MPP7: variants seen among roughly 807,000 people sequenced by gnomAD.
MPP7 encodes the protein MAGUK p55 subfamily member 7.
In MPP7, 60 loss-of-function variants were observed where a neutral mutation model predicts 76.5. The ratio of observed to expected loss-of-function variants is 0.78; its 90% confidence interval spans 0.64 to 0.97. The LOEUF is 0.97. Ranked by LOEUF, MPP7 falls within the 50% of genes least tolerant of loss-of-function variation. The pLI is 0.00. For missense variants in MPP7, 641 were observed against 694.0 expected (o/e 0.92, Z 0.86); for synonymous variants, 237 against 244.5 (o/e 0.97, Z 0.29).
intron 11 of MPP7, among the ~76,000 whole-genome samples, chr10:28,104,514 G>A (rs1254465862): frequency 6.6e-6 from 1 of 152,088 alleles, no homozygotes; most frequent in Admixed American, 6.6e-5. Context: ...TTTGGCTTTT[G>A]GGGGAAAAAT....
At chr10:28,241,116 C>T (rs1224150016) in intron 1 of MPP7, among the ~76,000 whole-genome samples, 3 of 152,110 alleles carry the variant, frequency 2.0e-5, no homozygotes, top group African/African-American at 2.4e-5. Flanking sequence ...AAACCATACA[C>T]ACCATATAAT....
intron 1 of MPP7, among the ~76,000 whole-genome samples, chr10:28,275,570 C>T (rs1840468537): frequency 6.6e-6 from 1 of 152,050 alleles, no homozygotes; most frequent in Non-Finnish European, 1.5e-5. Context: ...CCACGCCTGG[C>T]TAATTTTTAT....
chr10:28,140,606 A>T (rs2133723244), intron 5 of MPP7, among the ~76,000 whole-genome samples: 1 of 152,372 alleles, frequency 6.6e-6, no homozygotes, highest in African/African-American at 2.4e-5. Flanking sequence ...GCAAGAAACT[A>T]GAGAAAAATA....
intron 1 of MPP7, among the ~76,000 whole-genome samples, chr10:28,331,755 A>G (rs1056520667): frequency 7.9e-5 from 12 of 152,034 alleles, no homozygotes; most frequent in African/African-American, 2.9e-4. Flanking sequence ...TTGTATTTTT[A>G]GTAAAGATGA....
At chr10:28,164,557 A>G (rs1013817849) in intron 3 of MPP7, among the ~76,000 whole-genome samples, 4 of 152,130 alleles carry the variant, frequency 2.6e-5, no homozygotes, top group Non-Finnish European at 5.9e-5. Flanking sequence ...ACTTATGAAT[A>G]ATGTGTACAC....
intron 11 of MPP7, among the ~76,000 whole-genome samples, chr10:28,117,368 CT>C (rs1315359850): frequency 6.6e-6 from 1 of 152,114 alleles, no homozygotes; most frequent in African/African-American, 2.4e-5. Flanking sequence ...TAGAATTATT[CT>C]TCCTTTATAA....
At position 28,052,626 on chromosome 10, in the gene MPP7, C is replaced by A. The variant is rs940733755; in HGVS notation, c.*1439G>T. On this transcript the variant is annotated 3_prime_UTR_variant, in exon 17 of 17. Transcript: ENST00000683449. The stretch of plus-strand genomic sequence containing the variant: ...ATAAAACTACTCTTTTAAATTAGGA[C>A]ATCTTGACATACAATCAGTTTATTT... The A allele has an allele frequency of 1.3e-5, 2 of 152,542 alleles. No individual in the cohort carries two copies. Among genetic ancestry groups the A allele is most frequent in the African/African-American group, 4.8e-5 (2 of 41,420 alleles). The allele number at this position is 152,542 out of a possible 1,614,324, so 9.4% of individuals were successfully genotyped here. A position where few individuals can be genotyped will look rare whatever the true frequency, so the allele number is the denominator to read the frequency against.
intron 11 of MPP7, chr10:28,118,085 A>G: frequency 5.2e-6 from 5 of 960,798 alleles, no homozygotes; most frequent in Non-Finnish European, 6.2e-6. Flanking sequence ...TATTTATCAG[A>G]TCCAAATATT....
At chr10:28,309,413 CAAAA>C (rs3064166) in intron 2 of MPP7, among the ~76,000 whole-genome samples, 1 of 131,158 alleles carries the variant, frequency 7.6e-6, no homozygotes, top group African/African-American at 2.9e-5. Context: ...GACTCCATCT[CAAAA>C]AAAAAAAAAA....
At chr10:28,177,408 A>C (rs1193957602) in intron 3 of MPP7, among the ~76,000 whole-genome samples, 1 of 139,240 alleles carries the variant, frequency 7.2e-6, no homozygotes, top group East Asian at 2.3e-4. Context: ...ACTCCATTTC[A>C]AAAAAAAAAA....
At chr10:28,167,204 G>C (rs1588876241) in intron 3 of MPP7, among the ~76,000 whole-genome samples, 1 of 151,996 alleles carries the variant, frequency 6.6e-6, no homozygotes, top group African/African-American at 2.4e-5. Context: ...CCAGCTACTC[G>C]GGAGGCTGAG....
At chr10:28,318,667 A>G (rs813081) in intron 2 of MPP7, among the ~76,000 whole-genome samples, 38,289 of 152,022 alleles carry the variant, frequency 0.25, 6,453 homozygotes, top group African/African-American at 0.48. Context: ...CCTGGGTGAC[A>G]AGAGTGACAC....
At position 28,073,534 on chromosome 10, in the gene MPP7, C is replaced by T. The variant is rs558613653; in HGVS notation, c.1124-3682G>A. 7.2e-5 allele frequency among the ~76,000 whole-genome samples: 11 copies of T among 152,200 alleles called. No homozygotes were observed. In the East Asian group the frequency reaches 2.1e-3, roughly 29 times the overall value. On this transcript the variant is annotated intron_variant, in intron 12 of 16. Transcript: ENST00000683449. ...CCTGTAATCCCAGCACTTTGGGAGG[C>T]CAAGGCAGGTGGATCATTTGATATC...
chr10:28,099,637 T>C lies in MPP7; in HGVS notation c.953-9796A>G, dbSNP rs1374823803. 2.6e-5 allele frequency among the ~76,000 whole-genome samples: 4 copies of C among 152,074 alleles called. No homozygotes were observed. In the East Asian group the frequency reaches 7.7e-4, roughly 29 times the overall value. On this transcript the variant is annotated intron_variant, in intron 11 of 16. Transcript: ENST00000683449. ...CTGACCAACATGGAGAAACCCCGTC[T>C]CTACTAAAAATACAAAAAAATCAGC... is the stretch of plus-strand genomic sequence containing the variant.
At chr10:28,268,914 G>A (rs374977526) in intron 1 of MPP7, among the ~76,000 whole-genome samples, 1 of 148,268 alleles carries the variant, frequency 6.7e-6, no homozygotes, top group African/African-American at 2.5e-5. Context: ...CCGAGACTCC[G>A]TCTCAAAAAA....
In MPP7 at chr10:28,069,620, A is replaced by AAC; in HGVS notation, c.1204+151_1204+152insGT. 7 of 347,042 alleles carry AAC rather than the reference A, an allele frequency of 2.0e-5. 1 individual carries two copies. In the South Asian group the frequency reaches 6.6e-4, roughly 33 times the overall value. 21.5% of individuals were successfully genotyped at this position (347,042 alleles called of 1,614,324 possible). A position where few individuals can be genotyped will look rare whatever the true frequency, so the allele number is the denominator to read the frequency against. On this transcript the variant is annotated intron_variant, in intron 13 of 16. Transcript: ENST00000683449. ...TCCATCTCAAAAAAACAAAACAAAC[A>AAC]AAAAAAAAACTCACATGCCCCATAA...
rs551916108 is a variant in MPP7 at position 28,316,401 on chromosome 10, C to T, written c.-132+13528G>A. ...AGTGAGCTGAGATCGTGCCACTGCA[C>T]TCCAGCCTGGGCAACAGAGTAAGAC... On this transcript the variant is annotated intron_variant, in intron 2 of 11. Coordinates refer to the MPP7 transcript ENST00000441595. 5.5e-5 allele frequency among the ~76,000 whole-genome samples: 7 copies of T among 127,730 alleles called. No homozygotes were observed. In the East Asian group the frequency reaches 7.3e-4, roughly 13 times the overall value. 83.8% of individuals were successfully genotyped at this position (127,730 alleles called of 152,430 possible).
rs1285101265 is a variant in MPP7 at position 28,052,091 on chromosome 10, C to A, written c.*1974G>T. 1 of 151,972 alleles carries A rather than the reference C, an allele frequency of 6.6e-6. No individual in the cohort carries two copies. Among genetic ancestry groups the A allele is most frequent in the African/African-American group, 2.4e-5 (1 of 41,356 alleles). 9.4% of individuals were successfully genotyped at this position (151,972 alleles called of 1,614,324 possible). ...CCCACTTTACACTATATCTCTGTCC[C>A]CAAAGTAAATAACTGAAGCAATTAT... is the stretch of plus-strand genomic sequence containing the variant. On this transcript the variant is annotated 3_prime_UTR_variant, in exon 17 of 17. Coordinates refer to ENST00000683449, the MANE Select transcript of MPP7 (RefSeq NM_001318170.2).
At position 28,189,650 on chromosome 10, in the gene MPP7, GA is replaced by G. The variant is rs71391019; in HGVS notation, c.156+12502del. On this transcript the variant is annotated intron_variant, in intron 3 of 16. Coordinates refer to ENST00000683449, the MANE Select transcript of MPP7 (RefSeq NM_001318170.2). ...GCTAACTGTAGGGCAAGCACACATA[GA>G]AAAAAAAAATTAAGTATAATTGATT... Among the ~76,000 whole-genome samples the G allele has an allele frequency of 9.4e-3, 1,313 of 139,982 alleles. 19 individuals are homozygous for G. The highest frequency in any genetic ancestry group is 0.06 in the East Asian group (274 of 4,568). 91.8% of individuals were successfully genotyped at this position (139,982 alleles called of 152,430 possible). A position where few individuals can be genotyped will look rare whatever the true frequency, so the allele number is the denominator to read the frequency against.
Sources: allele counts gnomAD v4.1 joint callset (sites outside exome capture counted in the v4.1 genomes callset), GRCh38; gene constraint gnomAD v4.1.1; transcripts MANE v1.5; gene names NCBI Gene and HGNC (gene_info 2026-07-23, HGNC 2026-07-21).